Variants in LAMA3 observed in about 807,000 individuals in gnomAD.
LAMA3 encodes laminin subunit alpha 3, also known as laminin subunit alpha-3.
LAMA3 carries 281 observed loss-of-function variants against 402.0 expected under a neutral mutation model. That is an observed-to-expected ratio of 0.70 (90% CI 0.63 to 0.77). The LOEUF (loss-of-function observed/expected upper bound fraction) is 0.77. Among genes scored for constraint, LAMA3 ranks in the 30% least tolerant of loss-of-function variants. The probability of loss-of-function intolerance (pLI) is 0.00; values close to 1 mark genes in which losing one functional copy is unlikely to be tolerated. For missense variants in LAMA3, 3,840 were observed against 4,215.5 expected (o/e 0.91, Z 2.47); for synonymous variants, 1,431 against 1,558.4 (o/e 0.92, Z 1.93).
intron 67 of LAMA3, among the ~76,000 whole-genome samples, chr18:23,935,684 A>T (rs780493210): frequency 3.9e-5 from 6 of 152,174 alleles, no homozygotes; most frequent in Non-Finnish European, 8.8e-5. Context: ...ATACCTCATG[A>T]TGTTGATGTG....
Position 23,879,413 on chromosome 18 carries a change from C to G in LAMA3, c.5113-2523C>G, listed in dbSNP as rs2064827510. 6.6e-6 allele frequency among the ~76,000 whole-genome samples: 1 copy of G among 152,234 alleles called. No homozygotes were observed. The highest frequency in any genetic ancestry group is 1.5e-5 in the Non-Finnish European group (1 of 68,048). On this transcript the variant is annotated intron_variant, in intron 39 of 74. Coordinates refer to ENST00000313654, the MANE Select transcript of LAMA3 (RefSeq NM_198129.4). The surrounding 1 kb of genome is among the most constrained non-coding windows in gnomAD (Gnocchi z 4.2). ...TCAGTGAATCCCTGTCCTTCTGCGG[C>G]CCTCGCAGGCAGCCCCTCCTCCTGC...
rs527335704 is a variant in LAMA3, at chr18:23,815,344, T to C, written c.1941+104T>C. On this transcript the variant is annotated intron_variant, in intron 16 of 74. Coordinates refer to ENST00000313654, the MANE Select transcript of LAMA3 (RefSeq NM_198129.4). ...AGTACTTCTGTCATTCTACAGTGCA[T>C]GGTAATCCTTTCCAGATCCTGGCTA... The C allele has an allele frequency of 6.0e-5, 81 of 1,353,298 alleles. No individual in the cohort carries two copies. In the African/African-American group the frequency reaches 1.1e-3, roughly 18 times the overall value. The allele number at this position is 1,353,298 out of a possible 1,614,324, so 83.8% of individuals were successfully genotyped here.
chr18:23,927,467 C>G (rs994714271), intron 62 of LAMA3, among the ~76,000 whole-genome samples: 4 of 152,166 alleles, frequency 2.6e-5, no homozygotes, highest in African/African-American at 9.7e-5. Flanking sequence ...CCCCACCCGG[C>G]CCGTTAATTT....
rs11348422 is a variant in LAMA3, at chr18:23,791,734, TAAA to T, written c.1603+7597_1603+7599del. Among the ~76,000 whole-genome samples the T allele has an allele frequency of 4.5e-3, 403 of 89,662 alleles. 3 individuals carry two copies. Among genetic ancestry groups the T allele is most frequent in the African/African-American group, 0.016 (353 of 22,264 alleles). 58.8% of individuals were successfully genotyped at this position (89,662 alleles called of 152,430 possible). ...GAACATCACAGACTGAGAATTTGTCTAAAAAAAAAAAAAAAAAAAAAACCACAA... is the reference window on the plus strand; with the variant it reads ...GAACATCACAGACTGAGAATTTGTCTAAAAAAAAAAAAAAAAAAACCACAA... On this transcript the variant is annotated intron_variant, in intron 12 of 74. Coordinates refer to ENST00000313654, the MANE Select transcript of LAMA3 (RefSeq NM_198129.4).
rs775295663 is a variant in LAMA3, at chr18:23,838,763, A to C, written c.3094-18A>C. The C allele has an allele frequency of 2.7e-6, 4 of 1,466,038 alleles. No individual in the cohort carries two copies. In the South Asian group the frequency reaches 4.5e-5, roughly 17 times the overall value. 90.8% of individuals were successfully genotyped at this position (1,466,038 alleles called of 1,614,324 possible). A position where few individuals can be genotyped will look rare whatever the true frequency, so the allele number is the denominator to read the frequency against. ...TGGTAACTGCAATGTGCCTTTGTGC[A>C]TTGTATTTGCTCACTAGCATCAAGT... On this transcript the variant is annotated intron_variant, in intron 25 of 74. Coordinates refer to ENST00000313654, the MANE Select transcript of LAMA3 (RefSeq NM_198129.4).
In LAMA3 at chr18:23,882,056, A is replaced by C; in HGVS notation, c.5222+11A>C. 6.3e-7 allele frequency: 1 copy of C among 1,592,808 alleles called. No individual in the cohort carries two copies. The highest frequency in any genetic ancestry group is 8.6e-7 in the Non-Finnish European group (1 of 1,160,988). On this transcript the variant is annotated intron_variant, in intron 40 of 74. Coordinates refer to ENST00000313654, the MANE Select transcript of LAMA3 (RefSeq NM_198129.4). ...TCCTCACACTAACAGGTACCGTAGCAGCTTGACATAACCTACAGGGACCCA... is the reference window on the plus strand; with the variant it reads ...TCCTCACACTAACAGGTACCGTAGCCGCTTGACATAACCTACAGGGACCCA...
intron 2 of LAMA3, among the ~76,000 whole-genome samples, chr18:23,726,484 C>T (rs8086811): frequency 0.01 from 1,592 of 152,258 alleles, 26 homozygotes; most frequent in African/African-American, 0.036. Context: ...TTGGCTCAGG[C>T]GCTGGGCAGG....
At position 23,827,394 on chromosome 18, in the gene LAMA3, G is replaced by A; in HGVS notation, c.2750G>A (p.Gly917Glu). Residue 917 changes from glycine (G) to glutamate (E), a missense_variant, in exon 23 of 75, where the codon GGG becomes GAG. Gly to Glu is a moderately conservative substitution (Grantham distance 98). This residue lies in a region of LAMA3 where 2,109 missense variants were observed against 2,376.0 expected (regional missense o/e 0.89). Coordinates refer to ENST00000313654, the MANE Select transcript of LAMA3 (RefSeq NM_198129.4). ...GAGGCCAGACACTTCCTGCTTGATG[G>A]GGAGCCAAGACCCGTGGCAGTGAGG... is the stretch of plus-strand genomic sequence containing the variant. ...ACEARHFLLDGEPRPVAVRQP... is the reference protein window; with the variant it reads ...ACEARHFLLDEEPRPVAVRQP... The A allele has an allele frequency of 6.2e-7, 1 of 1,614,230 alleles. No homozygotes were observed. The highest frequency in any genetic ancestry group is 8.5e-7 in the Non-Finnish European group (1 of 1,180,048).
chr18:23,888,921 A>G (rs180883155), intron 41 of LAMA3, among the ~76,000 whole-genome samples: 83 of 141,958 alleles, frequency 5.8e-4, no homozygotes, highest in African/African-American at 1.9e-3. Context: ...GAGCATGAAT[A>G]TGTGCTTATT....
intron 65 of LAMA3, 88 bp from the exon 66 acceptor site, chr18:23,932,072 T>A: frequency 6.8e-7 from 1 of 1,464,410 alleles, no homozygotes; most frequent in Non-Finnish European, 9.5e-7. Context: ...AAATATTGAA[T>A]CTGAGTCTTA....
chr18:23,840,445 T>TG (rs2063676464), intron 27 of LAMA3, among the ~76,000 whole-genome samples: 1 of 146,062 alleles, frequency 6.8e-6, no homozygotes, highest in Non-Finnish European at 1.5e-5. Flanking sequence ...TGCAGTGGCA[T>TG]GATCATGGCT....
rs757645426 is a variant in LAMA3 at position 23,931,049 on chromosome 18, A to G, written c.8437-13A>G. 2 of 1,611,046 alleles carry G rather than the reference A, an allele frequency of 1.2e-6. No homozygotes were observed. The highest frequency in any genetic ancestry group is 1.7e-6 in the Non-Finnish European group (2 of 1,177,256). On this transcript the variant is annotated splice_polypyrimidine_tract_variant and intron_variant, in intron 64 of 74. Coordinates refer to ENST00000313654, the MANE Select transcript of LAMA3 (RefSeq NM_198129.4). ...GCAAATTAGTTGATGGGTATTTTCT[A>G]TGGTGATTTCAGACAAGGAACCTGC...
At chr18:23,845,177 C>T in intron 30 of LAMA3, 53 bp downstream of exon 30, 1 of 1,058,410 alleles carries the variant, frequency 9.4e-7, no homozygotes, top group African/African-American at 1.6e-5. Context: ...TCCCACATTC[C>T]TGACCAGCTC....
At chr18:23,793,760 A>G (rs138196864) in intron 12 of LAMA3, among the ~76,000 whole-genome samples, 1 of 152,294 alleles carries the variant, frequency 6.6e-6, no homozygotes, top group East Asian at 1.9e-4. Context: ...CTCCAATTCA[A>G]TTCTGACACT....
At chr18:23,903,878 G>C in intron 49 of LAMA3, 55 bp from the exon 50 acceptor site, 1 of 1,385,672 alleles carries the variant, frequency 7.2e-7, no homozygotes, top group Non-Finnish European at 1.0e-6. Flanking sequence ...TGAGAAATCA[G>C]CACCTACATT....
intron 2 of LAMA3, among the ~76,000 whole-genome samples, chr18:23,743,012 A>C (rs1363518427): frequency 6.6e-6 from 1 of 152,154 alleles, no homozygotes; most frequent in Non-Finnish European, 1.5e-5. Flanking sequence ...TGTTAGTTTA[A>C]TTTCAATTCA....
rs2064713605 is a variant in LAMA3, at chr18:23,876,379, A to T, written c.5084A>T (p.Gln1695Leu). Residue 1695 changes from glutamine (Q) to leucine (L), a missense_variant, in exon 39 of 75, where the codon CAA becomes CTA. By Grantham distance (113) the Gln-to-Leu change is moderately radical (BLOSUM62 -2). This residue lies in a region of LAMA3 where 2,109 missense variants were observed against 2,376.0 expected (regional missense o/e 0.89). Coordinates refer to ENST00000313654, the MANE Select transcript of LAMA3 (RefSeq NM_198129.4). ...TGCAATTGCAACGGACATTCAAATC[A>T]ATGCCAGGATGGCTCAGGCATATGT... is the stretch of plus-strand genomic sequence containing the variant. Reference protein sequence around the residue: ...VPCNCNGHSNQCQDGSGICVN... With the variant: ...VPCNCNGHSNLCQDGSGICVN... 1 of 1,613,372 alleles carries T rather than the reference A, an allele frequency of 6.2e-7. No individual in the cohort carries two copies. Among genetic ancestry groups the T allele is most frequent in the Non-Finnish European group, 8.5e-7 (1 of 1,179,352 alleles).
intron 39 of LAMA3, among the ~76,000 whole-genome samples, chr18:23,877,373 T>A (rs1438006137): frequency 6.6e-6 from 1 of 152,214 alleles, no homozygotes; most frequent in Non-Finnish European, 1.5e-5. Flanking sequence ...TTATTCTGCT[T>A]TTTTCTTTTG....
intron 19 of LAMA3, 98 bp downstream of exon 19, chr18:23,820,095 A>C: frequency 8.5e-7 from 1 of 1,176,932 alleles, no homozygotes; most frequent in Non-Finnish European, 1.3e-6. Context: ...TGTCCCCAGA[A>C]CTGATTCCAC....
Sources: allele counts gnomAD v4.1 joint callset (sites outside exome capture counted in the v4.1 genomes callset), GRCh38; gene constraint gnomAD v4.1.1; regional missense constraint gnomAD v4.1.1; non-coding constraint Gnocchi (gnomAD v3.1); transcripts MANE v1.5; gene names NCBI Gene and HGNC (gene_info 2026-07-23, HGNC 2026-07-21).